The following NLGN1 variants were observed in gnomAD, a reference collection of about 807,000 sequenced individuals.
NLGN1 encodes neuroligin 1.
In NLGN1, 12 loss-of-function variants were observed where a neutral mutation model predicts 65.5. The ratio of observed to expected loss-of-function variants is 0.18; its 90% CI spans 0.12 to 0.30. The LOEUF is 0.30. Among genes scored for constraint, NLGN1 ranks in the 10% least tolerant of loss-of-function variants. NLGN1 has a pLI of 1.00. For synonymous variants in NLGN1, 350 were observed against 359.5 expected, an observed-to-expected ratio of 0.97 and a Z score of 0.30; for missense variants, 750 against 1,007.1, an observed-to-expected ratio of 0.74 and a Z score of 3.46.
intron 2 of NLGN1, 24 bp from the exon 2 acceptor site, chr3:173,604,255 A>G (rs925533127): frequency 4.0e-6 from 1 of 250,232 alleles, no homozygotes; most frequent in African/African-American, 2.2e-5. Context: ...GTTCCAGCTC[A>G]TGATTTATTT....
chr3:174,033,320 A>T (rs1179403757), intron 4 of NLGN1, among the ~76,000 whole-genome samples: 1 of 152,146 alleles, frequency 6.6e-6, no homozygotes, highest in Non-Finnish European at 1.5e-5. Flanking sequence ...ACAAATATTA[A>T]AAACATCTAA....
intron 4 of NLGN1, among the ~76,000 whole-genome samples, chr3:174,258,943 CTCTT>C (rs1225838040): frequency 6.6e-6 from 1 of 152,030 alleles, no homozygotes; most frequent in African/African-American, 2.4e-5. Context: ...TAGACAGTAG[CTCTT>C]TCCACCATTT....
At chr3:173,842,178 C>G (rs1724906103) in intron 4 of NLGN1, among the ~76,000 whole-genome samples, 1 of 152,182 alleles carries the variant, frequency 6.6e-6, no homozygotes, top group Non-Finnish European at 1.5e-5. Context: ...GAGACTCATT[C>G]ACTTTCACAA....
At chr3:173,513,694 T>C (rs1733349145) in intron 2 of NLGN1, among the ~76,000 whole-genome samples, 1 of 152,182 alleles carries the variant, frequency 6.6e-6, no homozygotes, top group Non-Finnish European at 1.5e-5. Flanking sequence ...AAAATAGATA[T>C]GTTCTCACTG....
chr3:173,897,771 C>A (rs1736590152), intron 4 of NLGN1, among the ~76,000 whole-genome samples: 2 of 152,114 alleles, frequency 1.3e-5, no homozygotes, highest in Admixed American at 1.3e-4. Flanking sequence ...GCTTTAGGGA[C>A]TCAGTTCTAC....
intron 2 of NLGN1, among the ~76,000 whole-genome samples, chr3:173,582,911 C>T (rs1746624699): frequency 6.6e-6 from 1 of 152,114 alleles, no homozygotes; most frequent in Non-Finnish European, 1.5e-5. Context: ...CTTTAACCCA[C>T]CTTAACATAC....
intron 4 of NLGN1, among the ~76,000 whole-genome samples, chr3:173,922,681 T>C (rs1560638353): frequency 6.6e-6 from 1 of 152,140 alleles, no homozygotes; most frequent in African/African-American, 2.4e-5. Flanking sequence ...GGATTATTGA[T>C]AAAAAGAAGC....
Position 174,262,574 on chromosome 3 carries a change from C to G in NLGN1, c.647-12741C>G, listed in dbSNP as rs1429525720. On this transcript the variant is annotated intron_variant, in intron 4 of 6. Transcript: ENST00000457714. ...TATTGTGTCTATTTGATTCTTCTCT[C>G]TTTTTTTCTTTATTAGTCTTGCTAG... Among the ~76,000 whole-genome samples the G allele has an allele frequency of 3.4e-5, 5 of 148,716 alleles. No homozygotes were observed. In the South Asian group the frequency reaches 8.6e-4, roughly 26 times the overall value.
At chr3:173,746,995 G>T (rs1228835283) in intron 3 of NLGN1, among the ~76,000 whole-genome samples, 3 of 151,266 alleles carry the variant, frequency 2.0e-5, no homozygotes, top group African/African-American at 7.3e-5. Context: ...AGAGTTTGAG[G>T]CTGTTGCACT....
intron 4 of NLGN1, among the ~76,000 whole-genome samples, chr3:173,876,737 A>T (rs1732178558): frequency 6.6e-6 from 1 of 152,196 alleles, no homozygotes; most frequent in African/African-American, 2.4e-5. Context: ...AACTTAAACA[A>T]CATTATAAAT....
intron 4 of NLGN1, among the ~76,000 whole-genome samples, chr3:174,235,649 T>A (rs1741571690): frequency 6.6e-6 from 1 of 152,184 alleles, no homozygotes; most frequent in Admixed American, 6.5e-5. Context: ...TTTATCTATT[T>A]ATGTTGTTTG....
Position 174,281,453 on chromosome 3 carries a change from A to C in NLGN1, c.*150A>C. On this transcript the variant is annotated 3_prime_UTR_variant, in exon 7 of 7. Transcript: ENST00000457714. Reference sequence around the variant, plus strand: ...TCAAGAACTTTGGGGGTTTTGAAAAAAATGAATTGTATATATACAAATCAA... The same window carrying C: ...TCAAGAACTTTGGGGGTTTTGAAAACAATGAATTGTATATATACAAATCAA... The C allele has an allele frequency of 4.9e-6, 3 of 615,956 alleles. No homozygotes were observed. The Admixed American group carries it at 9.2e-5, about 19-fold the overall frequency. 38.2% of individuals were successfully genotyped at this position (615,956 alleles called of 1,614,324 possible). A position where few individuals can be genotyped will look rare whatever the true frequency, so the allele number is the denominator to read the frequency against.
Position 174,209,793 on chromosome 3 carries a change from C to T in NLGN1, c.647-65522C>T, listed in dbSNP as rs142255786. ...GGTTACTGGCACCCACCACCACATC[C>T]GGCTAATTTTTGTATTTGTGGTAGG... On this transcript the variant is annotated intron_variant, in intron 4 of 6. Coordinates refer to ENST00000457714, the Ensembl canonical transcript of NLGN1. Among the ~76,000 whole-genome samples the T allele has an allele frequency of 3.2e-3, 484 of 151,774 alleles. 2 individuals are homozygous for T. The highest frequency in any genetic ancestry group is 0.011 in the African/African-American group (461 of 41,416).
chr3:173,894,005 C>T (rs1735869043), intron 4 of NLGN1, among the ~76,000 whole-genome samples: 1 of 152,144 alleles, frequency 6.6e-6, no homozygotes, highest in South Asian at 2.1e-4. Context: ...GTCCAACTTT[C>T]ACACTTTCCC....
At chr3:174,270,191 T>A (rs1436313098) in intron 4 of NLGN1, among the ~76,000 whole-genome samples, 3 of 151,176 alleles carry the variant, frequency 2.0e-5, no homozygotes, top group Admixed American at 1.3e-4. Flanking sequence ...TTTATTTTTT[T>A]TTTTTTCCTG....
At chr3:173,646,127 TCAGA>T (rs1758232354) in intron 3 of NLGN1, among the ~76,000 whole-genome samples, 1 of 152,108 alleles carries the variant, frequency 6.6e-6, no homozygotes, top group African/African-American at 2.4e-5. Context: ...TTGACCACAC[TCAGA>T]CACTTAGGTA....
At chr3:173,839,457 T>C (rs2150663658) in intron 4 of NLGN1, among the ~76,000 whole-genome samples, 1 of 151,770 alleles carries the variant, frequency 6.6e-6, no homozygotes, top group African/African-American at 2.4e-5. Context: ...GAAGTCTTGC[T>C]CTGTCACCAG....
chr3:174,046,950 TC>T (rs1733746322), intron 4 of NLGN1, among the ~76,000 whole-genome samples: 3 of 151,996 alleles, frequency 2.0e-5, no homozygotes. Context: ...TAAAAATAAA[TC>T]TACATTGAAT....
chr3:173,706,633 G>A (rs1258586655), intron 3 of NLGN1, among the ~76,000 whole-genome samples: 1 of 152,162 alleles, frequency 6.6e-6, no homozygotes, highest in South Asian at 2.1e-4. Flanking sequence ...TTATTAACAG[G>A]TTGGTGGTCT....
Sources: gnomAD v4.1 joint callset for allele counts (sites outside exome capture counted in the v4.1 genomes callset) on GRCh38, gnomAD v4.1.1 for gene constraint, MANE v1.5 for transcripts, NCBI Gene and HGNC (gene_info 2026-07-23, HGNC 2026-07-21) for gene names.